The following PCDHA5 variants were observed in gnomAD, a reference collection of about 807,000 sequenced individuals.
PCDHA5 encodes the protein protocadherin alpha 5, also known as protocadherin alpha-5.
Under a neutral mutation model 61.6 loss-of-function variants are expected in PCDHA5, and 43 were observed. The observed-to-expected ratio is 0.70, with a 90% confidence interval of 0.55 to 0.90. PCDHA5 has a LOEUF of 0.90. PCDHA5 is among the 40% of genes least tolerant of loss of function. The pLI, the probability that PCDHA5 is intolerant of heterozygous loss-of-function variation, is 0.00. For synonymous variants in PCDHA5, 627 were observed against 543.9 expected (o/e 1.15, Z -2.13); for missense variants, 1,298 against 1,222.7 (o/e 1.06, Z -0.92).
At chr5:140,924,895 AAAAAAAAAAATAAAATAAAATAAAAT>A (rs1157767234) in intron 1 of PCDHA5, among the ~76,000 whole-genome samples, 8 of 132,230 alleles carry the variant, frequency 6.1e-5, no homozygotes, top group East Asian at 2.1e-4. Flanking sequence ...AACCTGTCTC[AAAAAAAAAAATAAAATAAAATAAAAT>A]AAAATAAAAT....
rs2150147237 is a variant in PCDHA5, at chr5:140,827,344, G to C, written c.2352+3217G>C. Among the ~76,000 whole-genome samples the C allele has an allele frequency of 1.2e-4, 18 of 152,280 alleles. No homozygotes were observed. In the South Asian group the frequency reaches 2.3e-3, roughly 19 times the overall value. ...TAGAATTTGAAGTGGTGAAGTATAT[G>C]AAAAGAAAATATTTTAAGCAAGAAT... On this transcript the variant is annotated intron_variant, in intron 1 of 3. Transcript: ENST00000529859.
At chr5:140,858,508 T>C (rs1554151704) in intron 1 of PCDHA5, 2 of 1,443,968 alleles carry the variant, frequency 1.4e-6, no homozygotes, top group East Asian at 2.5e-5. Context: ...TTTTCTCAAA[T>C]ATGTATCAGA....
At chr5:140,869,650 C>G in intron 1 of PCDHA5, 1 of 1,613,504 alleles carries the variant, frequency 6.2e-7, no homozygotes, top group Non-Finnish European at 8.5e-7. Context: ...TTTAGATTCA[C>G]CAACAAATGG....
intron 1 of PCDHA5, chr5:140,830,417 C>T: frequency 1.2e-6 from 2 of 1,614,096 alleles, no homozygotes; most frequent in Non-Finnish European, 1.7e-6. Flanking sequence ...TAGCCCCAGC[C>T]TTTCACCTTG....
intron 1 of PCDHA5, chr5:140,865,437 T>G (rs951308725): frequency 2.0e-5 from 3 of 152,200 alleles, no homozygotes; most frequent in Admixed American, 6.5e-5. Flanking sequence ...GAAAAATAAC[T>G]TCTGAGAAGA....
At chr5:140,948,679 A>C (rs1318286539) in intron 1 of PCDHA5, among the ~76,000 whole-genome samples, 1 of 151,394 alleles carries the variant, frequency 6.6e-6, no homozygotes, top group Admixed American at 6.6e-5. Context: ...CATCTTTTTC[A>C]TTTTTGATAT....
intron 3 of PCDHA5, among the ~76,000 whole-genome samples, chr5:140,983,126 G>A (rs1466016868): frequency 6.6e-6 from 1 of 152,206 alleles, no homozygotes; most frequent in African/African-American, 2.4e-5. Context: ...ACATTCTGCA[G>A]ACTGACTTTT....
intron 1 of PCDHA5, chr5:140,828,882 T>C (rs1187191951): frequency 3.7e-6 from 6 of 1,614,110 alleles, no homozygotes; most frequent in Non-Finnish European, 5.1e-6. Context: ...GTTATCAGAC[T>C]GAATGCTTCT....
At chr5:140,900,079 C>T (rs1289822790) in intron 1 of PCDHA5, among the ~76,000 whole-genome samples, 11 of 152,066 alleles carry the variant, frequency 7.2e-5, no homozygotes, top group East Asian at 3.9e-4. Context: ...AAAAGTGCTG[C>T]AGTTACAAGC....
chr5:140,828,122 A>T, intron 1 of PCDHA5: 2 of 1,612,976 alleles, frequency 1.2e-6, no homozygotes. Context: ...TAGATTGGGA[A>T]AGCAATGTCT....
At chr5:140,978,455 G>A (rs782473387) in intron 1 of PCDHA5, among the ~76,000 whole-genome samples, 21 of 152,302 alleles carry the variant, frequency 1.4e-4, no homozygotes, top group Non-Finnish European at 2.8e-4. Context: ...GGGCACATCC[G>A]CCCTGGGTCA....
Position 141,000,393 on chromosome 5 carries a change from CTCTATA to C in PCDHA5, c.2501-9232_2501-9227del, listed in dbSNP as rs1213195269. 6.1e-3 allele frequency among the ~76,000 whole-genome samples: 322 copies of C among 52,630 alleles called. 2 individuals are homozygous for C. Among genetic ancestry groups the C allele is most frequent in the Admixed American group, 0.01 (36 of 3,506 alleles). 34.5% of individuals were successfully genotyped at this position (52,630 alleles called of 152,430 possible). A position where few individuals can be genotyped will look rare whatever the true frequency, so the allele number is the denominator to read the frequency against. ...TCTCTCTCTCTCTCTCTCTCTCTCT[CTCTATA>C]TATATATATATATATATATATATTT... On this transcript the variant is annotated intron_variant, in intron 3 of 3. Transcript: ENST00000529859.
chr5:140,856,028 G>T, intron 1 of PCDHA5: 1 of 1,560,948 alleles, frequency 6.4e-7, no homozygotes, highest in East Asian at 2.3e-5. Flanking sequence ...TCGTCGATTT[G>T]TAAAACAAGA....
rs2150370274 is a variant in PCDHA5 at position 140,844,311 on chromosome 5, T to C, written c.2352+20184T>C. Among the ~76,000 whole-genome samples, 61 of 149,790 alleles carry C rather than the reference T, an allele frequency of 4.1e-4. 5 individuals carry two copies. The highest frequency in any genetic ancestry group is 7.6e-4 in the Non-Finnish European group (51 of 66,820). On this transcript the variant is annotated intron_variant, in intron 1 of 3. Transcript: ENST00000529859. ...CAAAATTTGATAGTTTTCATATTCT[T>C]CCTAATTTTATTATAAACTAGTTAA...
At chr5:140,920,069 G>C (rs527472900) in intron 1 of PCDHA5, among the ~76,000 whole-genome samples, 1 of 152,288 alleles carries the variant, frequency 6.6e-6, no homozygotes, top group Non-Finnish European at 1.5e-5. Context: ...GGAAAAGGCA[G>C]AAACAGATTC....
In PCDHA5 at chr5:140,927,151, T is replaced by C. The variant is rs781865588; in HGVS notation, c.2353-51798T>C. ...AGAGCCGGCGGACCGCGAACAGCTGTGCAGGGCCAAAGCTGCCTGCGTCTT... is the reference window on the plus strand; with the variant it reads ...AGAGCCGGCGGACCGCGAACAGCTGCGCAGGGCCAAAGCTGCCTGCGTCTT... On this transcript the variant is annotated intron_variant, in intron 1 of 3. Coordinates refer to ENST00000529859, the MANE Select transcript of PCDHA5 (RefSeq NM_018908.3). 15 of 1,614,128 alleles carry C rather than the reference T, an allele frequency of 9.3e-6. No homozygotes were observed. In the East Asian group the frequency reaches 3.3e-4, roughly 36 times the overall value.
At chr5:140,865,422 A>G (rs1381017187) in intron 1 of PCDHA5, 2 of 152,214 alleles carry the variant, frequency 1.3e-5, no homozygotes, top group African/African-American at 4.8e-5. Context: ...AGTAGTGTCT[A>G]CCTAGAAAAA....
At chr5:140,905,787 G>A (rs1468265319) in intron 1 of PCDHA5, among the ~76,000 whole-genome samples, 1 of 152,012 alleles carries the variant, frequency 6.6e-6, no homozygotes, top group Non-Finnish European at 1.5e-5. Context: ...TATTAGTCAG[G>A]GTTCTCTAGA....
intron 1 of PCDHA5, chr5:140,859,685 A>AT (rs1250609126): frequency 6.5e-6 from 1 of 154,692 alleles, no homozygotes; most frequent in Admixed American, 6.4e-5. Context: ...TAAAATTAAA[A>AT]TTATTGTTCA....
Sources: gnomAD v4.1 joint callset for allele counts (sites outside exome capture counted in the v4.1 genomes callset) on GRCh38, gnomAD v4.1.1 for gene constraint, MANE v1.5 for transcripts, NCBI Gene and HGNC (gene_info 2026-07-23, HGNC 2026-07-21) for gene names.